The following TLN2 variants were observed in gnomAD, a reference collection of about 807,000 sequenced individuals.
TLN2 encodes talin 2, also known as talin-2.
Under a neutral mutation model 294.7 loss-of-function variants are expected in TLN2, and 118 were observed. The ratio of observed to expected loss-of-function variants is 0.40; its 90% CI spans 0.34 to 0.47. TLN2 has a LOEUF of 0.47. TLN2 is among the 20% of genes least tolerant of loss of function. The pLI is 0.84. For synonymous variants in TLN2, 1,431 were observed against 1,304.5 expected, an observed-to-expected ratio of 1.10 and a Z score of -2.09; for missense variants, 3,083 against 3,282.2, an observed-to-expected ratio of 0.94 and a Z score of 1.48.
chr15:62,470,596 A>G (rs1424595903), intron 1 of TLN2, among the ~76,000 whole-genome samples: 4 of 152,178 alleles, frequency 2.6e-5, no homozygotes, highest in Non-Finnish European at 4.4e-5. Context: ...CAGCAGCCCT[A>G]AGAGTGGCCT....
intron 1 of TLN2, among the ~76,000 whole-genome samples, chr15:62,421,324 C>G (rs901254059): frequency 6.6e-6 from 1 of 152,160 alleles, no homozygotes; most frequent in Non-Finnish European, 1.5e-5. Flanking sequence ...GCATGAGTCA[C>G]TGCGCGCAGC....
At chr15:62,485,573 C>T (rs1356056794) in intron 1 of TLN2, among the ~76,000 whole-genome samples, 1 of 152,188 alleles carries the variant, frequency 6.6e-6, no homozygotes, top group Non-Finnish European at 1.5e-5. Context: ...AGAGCTTGAC[C>T]TTGCTCTGGA....
At chr15:62,738,416 A>C in intron 30 of TLN2, 83 bp downstream of exon 30, 2 of 1,466,294 alleles carry the variant, frequency 1.4e-6, no homozygotes, top group Non-Finnish European at 9.1e-7. Flanking sequence ...TCTCCATGAG[A>C]TCTCTGAGCA....
intron 1 of TLN2, among the ~76,000 whole-genome samples, chr15:62,421,330 G>A (rs56167603): frequency 0.019 from 2,954 of 152,190 alleles, 34 homozygotes; most frequent in Non-Finnish European, 0.03. Context: ...GTCACTGCGC[G>A]CAGCCCCTAC....
intron 1 of TLN2, among the ~76,000 whole-genome samples, chr15:62,464,657 A>C (rs545964086): frequency 6.6e-6 from 1 of 152,058 alleles, no homozygotes; most frequent in South Asian, 2.1e-4. Flanking sequence ...GTACCCAAAT[A>C]CTTTTTTTGC....
intron 1 of TLN2, among the ~76,000 whole-genome samples, chr15:62,543,670 G>A (rs2041828244): frequency 6.6e-6 from 1 of 151,084 alleles, no homozygotes; most frequent in South Asian, 2.1e-4. Flanking sequence ...CAGAAGAGTT[G>A]CTTGAACCCA....
At chr15:62,572,959 A>G (rs2044027090) in intron 1 of TLN2, among the ~76,000 whole-genome samples, 1 of 151,562 alleles carries the variant, frequency 6.6e-6, no homozygotes, top group Non-Finnish European at 1.5e-5. Context: ...TTCACCATGG[A>G]GCTGGTGCCC....
chr15:62,799,249 G>A (rs779673298), intron 48 of TLN2, among the ~76,000 whole-genome samples: 6 of 152,178 alleles, frequency 3.9e-5, no homozygotes, highest in Admixed American at 6.5e-5. Context: ...GTTCCCACTC[G>A]AAAAGGCAGT....
At chr15:62,644,717 T>C (rs1187133972) in intron 3 of TLN2, 1 of 390,600 alleles carries the variant, frequency 2.6e-6, no homozygotes, top group Non-Finnish European at 5.0e-6. Flanking sequence ...TGGTGCTTTC[T>C]CCTTGCTCCT....
intron 1 of TLN2, among the ~76,000 whole-genome samples, chr15:62,501,476 G>T (rs998694260): frequency 6.6e-6 from 1 of 152,154 alleles, no homozygotes; most frequent in Non-Finnish European, 1.5e-5. Context: ...ACACTTAGTT[G>T]TTTGGTTGGC....
chr15:62,466,441 C>G (rs1038165254), intron 1 of TLN2, among the ~76,000 whole-genome samples: 2 of 152,224 alleles, frequency 1.3e-5, no homozygotes, highest in African/African-American at 2.4e-5. Flanking sequence ...CATCCCTGGC[C>G]TCTCTACCCA....
At chr15:62,796,028 C>A in intron 46 of TLN2, 99 bp from the exon 47 acceptor site, 1 of 1,458,844 alleles carries the variant, frequency 6.9e-7, no homozygotes, top group Non-Finnish European at 9.3e-7. Context: ...CTCTAAGCTA[C>A]ATCAACTCCT....
intron 54 of TLN2, chr15:62,830,913 G>C (rs537954824): frequency 3.8e-4 from 58 of 152,184 alleles, no homozygotes; most frequent in African/African-American, 1.2e-3. Context: ...CTGTTTTAAA[G>C]CATAGAGATG....
chr15:62,489,965 AC>A (rs2038619126), intron 1 of TLN2, among the ~76,000 whole-genome samples: 1 of 152,148 alleles, frequency 6.6e-6, no homozygotes, highest in South Asian at 2.1e-4. Context: ...TGAAAGAACC[AC>A]CTAGTTATGC....
chr15:62,497,098 G>C (rs760661643), intron 1 of TLN2, among the ~76,000 whole-genome samples: 1 of 152,124 alleles, frequency 6.6e-6, no homozygotes, highest in Non-Finnish European at 1.5e-5. Context: ...TGACATTTCT[G>C]ACACCCGTGG....
At chr15:62,591,525 A>G (rs1020050248) in intron 2 of TLN2, among the ~76,000 whole-genome samples, 7 of 152,342 alleles carry the variant, frequency 4.6e-5, no homozygotes, top group Admixed American at 3.9e-4. Flanking sequence ...CATTTGTGCG[A>G]ACATCCAGTT....
chr15:62,703,703 G>A (rs2058876608), intron 19 of TLN2, among the ~76,000 whole-genome samples: 1 of 152,048 alleles, frequency 6.6e-6, no homozygotes, highest in Non-Finnish European at 1.5e-5. Flanking sequence ...TATTTTTTGT[G>A]TCTTATCCAA....
intron 30 of TLN2, among the ~76,000 whole-genome samples, chr15:62,738,871 G>A (rs1478268221): frequency 6.6e-6 from 1 of 152,226 alleles, no homozygotes; most frequent in Admixed American, 6.5e-5. Flanking sequence ...TCTGCTAGAT[G>A]ACATTTAAAA....
intron 46 of TLN2, among the ~76,000 whole-genome samples, chr15:62,794,921 C>T (rs2065354295): frequency 1.3e-5 from 2 of 152,146 alleles, no homozygotes; most frequent in South Asian, 2.1e-4. Context: ...TTCTTTGGGT[C>T]GTAGTCAAGG....
Sources: allele counts gnomAD v4.1 joint callset (sites outside exome capture counted in the v4.1 genomes callset), GRCh38; gene constraint gnomAD v4.1.1; transcripts MANE v1.5; gene names NCBI Gene and HGNC (gene_info 2026-07-23, HGNC 2026-07-21).